Variants in FTO observed in about 807,000 individuals in gnomAD.
FTO encodes alpha-ketoglutarate-dependent dioxygenase FTO.
Under a neutral mutation model 63.9 loss-of-function variants are expected in FTO, and 47 were observed. That is an observed-to-expected ratio of 0.74 (90% CI 0.58 to 0.94). FTO has a LOEUF of 0.94. Ranked by LOEUF, FTO falls within the 40% of genes least tolerant of loss-of-function variation. The pLI is 0.00. For missense variants in FTO, 562 were observed against 618.1 expected, an observed-to-expected ratio of 0.91 and a Z score of 0.96; for synonymous variants, 207 against 224.4, an observed-to-expected ratio of 0.92 and a Z score of 0.69.
rs556250874 is a variant in FTO at position 53,736,833 on chromosome 16, A to G, written c.45+32604A>G. On this transcript the variant is annotated intron_variant, in intron 1 of 8. Coordinates refer to ENST00000471389, the MANE Select transcript of FTO (RefSeq NM_001080432.3). ...TCTCCTCCCAGTTCTGACACTTTCC[A>G]TCTCCCCGCTACCAGCTCCATCTAT... 1.8e-3 allele frequency among the ~76,000 whole-genome samples: 272 copies of G among 152,238 alleles called. 2 individuals are homozygous for G. The highest frequency in any genetic ancestry group is 5.9e-3 in the African/African-American group (244 of 41,542).
At chr16:53,891,664 TAC>T (rs1319641726) in intron 7 of FTO, among the ~76,000 whole-genome samples, 2 of 152,170 alleles carry the variant, frequency 1.3e-5, no homozygotes, top group Non-Finnish European at 2.9e-5. Flanking sequence ...TTGTCTCACG[TAC>T]ACACACACAA....
chr16:53,941,891 G>A (rs1383341297), intron 8 of FTO, among the ~76,000 whole-genome samples: 1 of 152,178 alleles, frequency 6.6e-6, no homozygotes, highest in African/African-American at 2.4e-5. Context: ...GTAACATTAA[G>A]CTATCTCTTC....
chr16:54,094,167 G>T (rs1026069504), intron 8 of FTO, among the ~76,000 whole-genome samples: 1 of 152,192 alleles, frequency 6.6e-6, no homozygotes, highest in Non-Finnish European at 1.5e-5. Flanking sequence ...ATAATGGCCT[G>T]TCTCTCCTCT....
At chr16:53,798,915 C>T (rs570152329) in intron 1 of FTO, among the ~76,000 whole-genome samples, 3 of 152,102 alleles carry the variant, frequency 2.0e-5, no homozygotes, top group Non-Finnish European at 4.4e-5. Context: ...GAAGAAATTC[C>T]GTAGTTTACC....
chr16:53,777,562 C>T lies in FTO; in HGVS notation c.46-32578C>T, dbSNP rs371366735. On this transcript the variant is annotated intron_variant, in intron 1 of 8. Transcript: ENST00000471389. ...ACATTCAAATGATTTTGTAACATTA[C>T]GTTTTGATCATTTGGAAAATTATCA... is the stretch of plus-strand genomic sequence containing the variant. 1.2e-4 allele frequency among the ~76,000 whole-genome samples: 19 copies of T among 152,146 alleles called. 1 individual carries two copies. Among genetic ancestry groups the T allele is most frequent in the South Asian group, 8.3e-4 (4 of 4,814 alleles).
At chr16:53,800,372 A>T (rs1298823087) in intron 1 of FTO, among the ~76,000 whole-genome samples, 2 of 152,138 alleles carry the variant, frequency 1.3e-5, no homozygotes, top group African/African-American at 4.8e-5. Flanking sequence ...ATTTTTTATG[A>T]TTTCAATCCT....
chr16:53,912,586 G>T (rs1025505791), intron 7 of FTO, among the ~76,000 whole-genome samples: 8 of 152,116 alleles, frequency 5.3e-5, no homozygotes, highest in Non-Finnish European at 1.2e-4. Flanking sequence ...GTTCCCACTC[G>T]CCGTAGAATC....
chr16:54,102,115 G>A (rs2086653983), intron 8 of FTO, among the ~76,000 whole-genome samples: 1 of 152,116 alleles, frequency 6.6e-6, no homozygotes, highest in Admixed American at 6.6e-5. Flanking sequence ...CAGGTCATCT[G>A]TTTACTCTGT....
chr16:53,795,986 G>A (rs2078056953), intron 1 of FTO, among the ~76,000 whole-genome samples: 1 of 151,626 alleles, frequency 6.6e-6, no homozygotes, highest in South Asian at 2.1e-4. Context: ...GTTAAATGCT[G>A]CTCTTTAGCA....
At chr16:54,105,286 C>T (rs1473664416) in intron 8 of FTO, among the ~76,000 whole-genome samples, 3 of 152,174 alleles carry the variant, frequency 2.0e-5, no homozygotes, top group African/African-American at 7.2e-5. Flanking sequence ...TAATAATAGT[C>T]CTTCTAGAAA....
At chr16:54,027,230 A>G (rs1354200000) in intron 8 of FTO, among the ~76,000 whole-genome samples, 1 of 152,278 alleles carries the variant, frequency 6.6e-6, no homozygotes, top group African/African-American at 2.4e-5. Context: ...AGTACTTAGT[A>G]TCCTCTGACT....
intron 1 of FTO, among the ~76,000 whole-genome samples, chr16:53,718,047 G>A (rs967728255): frequency 1.3e-5 from 2 of 151,858 alleles, no homozygotes; most frequent in Admixed American, 6.6e-5. Flanking sequence ...GGTCCCCCAT[G>A]TGCCCCACCA....
At chr16:54,062,484 G>T (rs2085604512) in intron 8 of FTO, among the ~76,000 whole-genome samples, 3 of 152,178 alleles carry the variant, frequency 2.0e-5, no homozygotes, top group African/African-American at 7.2e-5. Context: ...CTAAGAGCAG[G>T]TGACAAGAGC....
intron 8 of FTO, among the ~76,000 whole-genome samples, chr16:54,059,866 C>A (rs141478050): frequency 2.6e-5 from 4 of 151,874 alleles, no homozygotes; most frequent in African/African-American, 9.7e-5. Flanking sequence ...GTGGACATGG[C>A]GTTTTGGACA....
intron 4 of FTO, among the ~76,000 whole-genome samples, chr16:53,858,004 A>G (rs550172467): frequency 6.6e-6 from 1 of 152,336 alleles, no homozygotes; most frequent in South Asian, 2.1e-4. Context: ...TCAGGGAAAA[A>G]AGATGCAAAA....
intron 8 of FTO, among the ~76,000 whole-genome samples, chr16:53,947,438 G>GGCTT (rs1262007722): frequency 6.6e-6 from 1 of 152,134 alleles, no homozygotes; most frequent in East Asian, 1.9e-4. Flanking sequence ...ACTAACTCTG[G>GGCTT]GCTTGGTTCA....
At chr16:53,735,449 C>T (rs929957227) in intron 1 of FTO, among the ~76,000 whole-genome samples, 6 of 152,162 alleles carry the variant, frequency 3.9e-5, no homozygotes, top group African/African-American at 1.4e-4. Context: ...AACATGGACT[C>T]GGAGAGTCAG....
chr16:53,754,820 CAA>C (rs946058156), intron 1 of FTO, among the ~76,000 whole-genome samples: 23 of 152,200 alleles, frequency 1.5e-4, no homozygotes, highest in Admixed American at 5.2e-4. Flanking sequence ...CAAGAAGTAA[CAA>C]ATCTTTTTTT....
At chr16:53,909,872 C>CT (rs2081642945) in intron 7 of FTO, among the ~76,000 whole-genome samples, 3 of 151,804 alleles carry the variant, frequency 2.0e-5, no homozygotes, top group Admixed American at 2.0e-4. Context: ...CTGAGAGCCT[C>CT]TTTTTTTAAA....
Sources: gnomAD v4.1 joint callset for allele counts (sites outside exome capture counted in the v4.1 genomes callset) on GRCh38, gnomAD v4.1.1 for gene constraint, MANE v1.5 for transcripts, NCBI Gene and HGNC (gene_info 2026-07-23, HGNC 2026-07-21) for gene names.